The following PCDHA4 variants were observed in gnomAD, a reference collection of about 807,000 sequenced individuals.
PCDHA4 encodes protocadherin alpha-4.
In PCDHA4, 49 loss-of-function variants were observed where a neutral mutation model predicts 61.4. The ratio of observed to expected loss-of-function variants is 0.80; its 90% confidence interval spans 0.63 to 1.01. The LOEUF (loss-of-function observed/expected upper bound fraction) is 1.01, where lower values mean the gene tolerates loss of function less well. Ranked by LOEUF, PCDHA4 falls within the 50% of genes least tolerant of loss-of-function variation. The pLI is 0.00. For missense variants in PCDHA4, 1,254 were observed against 1,235.8 expected (o/e 1.01, Z -0.22); for synonymous variants, 590 against 550.3 (o/e 1.07, Z -1.01).
At chr5:140,959,585 C>A (rs1363843588) in intron 1 of PCDHA4, among the ~76,000 whole-genome samples, 1 of 152,004 alleles carries the variant, frequency 6.6e-6, no homozygotes, top group Non-Finnish European at 1.5e-5. Context: ...TCAATTCTAT[C>A]AGCCAAGTAT....
chr5:140,891,592 T>G (rs1162338197), intron 1 of PCDHA4, among the ~76,000 whole-genome samples: 1 of 152,216 alleles, frequency 6.6e-6, no homozygotes, highest in East Asian at 1.9e-4. Context: ...TATTACTCTA[T>G]CCCATCTATT....
intron 1 of PCDHA4, chr5:140,853,993 T>A (rs2042933293): frequency 8.2e-6 from 4 of 486,194 alleles, no homozygotes; most frequent in Admixed American, 6.7e-5. Context: ...GTGAGACTCA[T>A]CTCTGCCAAA....
chr5:140,869,445 G>T, intron 1 of PCDHA4: 2 of 1,614,232 alleles, frequency 1.2e-6, no homozygotes, highest in Non-Finnish European at 1.7e-6. Flanking sequence ...ACAGGCCGCT[G>T]CAGGTTTTCC....
At chr5:140,848,383 C>A in intron 1 of PCDHA4, 1 of 1,197,372 alleles carries the variant, frequency 8.4e-7, no homozygotes, top group Non-Finnish European at 1.2e-6. Flanking sequence ...TTCTTTTTCA[C>A]TCTCTCTGTG....
Position 140,996,044 on chromosome 5 carries a change from A to G in PCDHA4, c.2533+13481A>G, listed in dbSNP as rs569475149. Among the ~76,000 whole-genome samples, 13 of 152,366 alleles carry G rather than the reference A, an allele frequency of 8.5e-5. No homozygotes were observed. The South Asian group carries it at 1.9e-3, about 22-fold the overall frequency. Reference sequence around the variant, plus strand: ...GTTTAATGCTCCTAGCACTTAACACAGTGCTTGGCACACAGTAAAGAGGAT... The same window carrying G: ...GTTTAATGCTCCTAGCACTTAACACGGTGCTTGGCACACAGTAAAGAGGAT... On this transcript the variant is annotated intron_variant, in intron 3 of 3. Coordinates refer to ENST00000530339, the MANE Select transcript of PCDHA4 (RefSeq NM_018907.4).
chr5:140,927,225 G>A, intron 1 of PCDHA4: 2 of 1,614,112 alleles, frequency 1.2e-6, no homozygotes, highest in South Asian at 2.2e-5. Context: ...ACAAGATTCG[G>A]ATTCACGTCC....
intron 1 of PCDHA4, among the ~76,000 whole-genome samples, chr5:140,899,914 C>A (rs1408569942): frequency 2.0e-5 from 3 of 151,952 alleles, no homozygotes; most frequent in Admixed American, 6.6e-5. Flanking sequence ...CTCAAGCAAT[C>A]CTCCTGCCTC....
intron 1 of PCDHA4, chr5:140,843,599 T>G: frequency 6.3e-7 from 1 of 1,595,978 alleles, no homozygotes; most frequent in South Asian, 1.1e-5. Flanking sequence ...GAGGGTGTGC[T>G]CTGGTGAGGG....
intron 3 of PCDHA4, 29 bp from the exon 4 acceptor site, chr5:141,009,598 T>C: frequency 6.2e-7 from 1 of 1,606,306 alleles, no homozygotes; most frequent in Non-Finnish European, 8.5e-7. Flanking sequence ...GTTGACCCTG[T>C]TAATGATTTG....
At chr5:140,813,493 A>C (rs1765313819) in intron 1 of PCDHA4, 1 of 152,192 alleles carries the variant, frequency 6.6e-6, no homozygotes, top group Admixed American at 6.5e-5. Flanking sequence ...AAACATCTAA[A>C]AGGTACAGTA....
At chr5:140,854,950 C>A (rs1427267019) in intron 1 of PCDHA4, among the ~76,000 whole-genome samples, 1 of 149,714 alleles carries the variant, frequency 6.7e-6, no homozygotes, top group African/African-American at 2.4e-5. Context: ...TAATAAATTT[C>A]TTAATTACTT....
At chr5:140,946,591 AATAG>A (rs1237639683) in intron 1 of PCDHA4, among the ~76,000 whole-genome samples, 7 of 119,490 alleles carry the variant, frequency 5.9e-5, no homozygotes, top group African/African-American at 2.9e-4. Flanking sequence ...ATAGTGGATG[AATAG>A]ATAAAGAAAA....
At chr5:140,862,316 C>G (rs2047308112) in intron 1 of PCDHA4, 1 of 317,936 alleles carries the variant, frequency 3.1e-6, no homozygotes, top group Non-Finnish European at 6.2e-6. Context: ...CGTCATAGCC[C>G]TAATCAGTGT....
chr5:140,870,829 G>A, intron 1 of PCDHA4: 1 of 1,613,790 alleles, frequency 6.2e-7, no homozygotes, highest in Non-Finnish European at 8.5e-7. Context: ...GGGAGGCGCA[G>A]TTAACAAGCT....
chr5:140,856,505 C>T (rs2150359235), intron 1 of PCDHA4: 1 of 1,598,456 alleles, frequency 6.3e-7, no homozygotes, highest in East Asian at 2.2e-5. Context: ...TCGATTTCCA[C>T]TAGAAGGCGC....
At chr5:140,966,860 TTGC>T (rs148181752) in intron 1 of PCDHA4, 30 of 1,577,282 alleles carry the variant, frequency 1.9e-5, no homozygotes, top group Middle Eastern at 1.7e-4. Context: ...CCTGCTGCTG[TTGC>T]TGCTGCTGCT....
At chr5:140,858,024 C>T (rs782656168) in intron 1 of PCDHA4, 4 of 1,596,582 alleles carry the variant, frequency 2.5e-6, no homozygotes, top group African/African-American at 1.3e-5. Context: ...CCGTCGCTGA[C>T]GGCCACGGCC....
chr5:140,972,201 G>A (rs1554233905), intron 1 of PCDHA4, among the ~76,000 whole-genome samples: 1 of 152,058 alleles, frequency 6.6e-6, no homozygotes, highest in African/African-American at 2.4e-5. Flanking sequence ...GAGTATAGGT[G>A]TGAATATGGC....
rs537741346 is a variant in PCDHA4 at position 140,808,444 on chromosome 5, A to G, written c.1257A>G (p.Ser419=). ...LDSALDRESV[S]AYELVVTARD... ...GTGCCCTGGACCGCGAGAGCGTGTC[A>G]GCCTATGAGCTGGTGGTGACCGCGC... The change falls in exon 1 of 4, where the codon TCA becomes TCG. Residue 419 remains serine (S), a synonymous_variant. Transcript: ENST00000530339. 4 of 1,614,176 alleles carry G rather than the reference A, an allele frequency of 2.5e-6. No individual in the cohort carries two copies. Among genetic ancestry groups the G allele is most frequent in the South Asian group, 2.2e-5 (2 of 91,082 alleles).
Sources: allele counts gnomAD v4.1 joint callset (sites outside exome capture counted in the v4.1 genomes callset), GRCh38; gene constraint gnomAD v4.1.1; transcripts MANE v1.5; gene names NCBI Gene and HGNC (gene_info 2026-07-23, HGNC 2026-07-21).